FOXP2: variants seen among roughly 807,000 people sequenced by gnomAD.
FOXP2 encodes the protein forkhead box protein P2.
Under a neutral mutation model 115.8 loss-of-function variants are expected in FOXP2, and 12 were observed. That is an observed-to-expected ratio of 0.10 (90% CI 0.07 to 0.17). FOXP2 has a LOEUF of 0.17. FOXP2 is among the 10% of genes least tolerant of loss of function. The pLI is 1.00. For missense variants in FOXP2, 629 were observed against 843.5 expected, an observed-to-expected ratio of 0.75 and a Z score of 3.15; for synonymous variants, 328 against 297.7, an observed-to-expected ratio of 1.10 and a Z score of -1.05.
intron 1 of FOXP2, among the ~76,000 whole-genome samples, chr7:114,171,009 C>T (rs930361229): frequency 6.6e-6 from 1 of 152,248 alleles, no homozygotes; most frequent in East Asian, 1.9e-4. Context: ...CAGTGCCTGG[C>T]GTCAAAGCTT....
chr7:114,379,742 T>G (rs1792234516), intron 2 of FOXP2, among the ~76,000 whole-genome samples: 1 of 152,178 alleles, frequency 6.6e-6, no homozygotes, highest in South Asian at 2.1e-4. Flanking sequence ...GGGGATTATT[T>G]CTTTGGCACA....
chr7:114,244,925 C>T, intron 1 of FOXP2, among the ~76,000 whole-genome samples: 1 of 151,992 alleles, frequency 6.6e-6, no homozygotes, highest in Non-Finnish European at 1.5e-5. Flanking sequence ...TCACGCCCGG[C>T]TAATTTTTTT....
At chr7:114,646,440 C>T (rs1459450337) in intron 8 of FOXP2, among the ~76,000 whole-genome samples, 2 of 151,958 alleles carry the variant, frequency 1.3e-5, no homozygotes, top group Non-Finnish European at 2.9e-5. Context: ...CCTCATTTTA[C>T]CTTAAATAGT....
chr7:114,371,863 G>T (rs1032650563), intron 2 of FOXP2, among the ~76,000 whole-genome samples: 1 of 151,992 alleles, frequency 6.6e-6, no homozygotes, highest in Non-Finnish European at 1.5e-5. Flanking sequence ...ATTGTGGACC[G>T]TTAGGCAATA....
chr7:114,200,593 G>T (rs923275620), intron 1 of FOXP2, among the ~76,000 whole-genome samples: 1 of 152,134 alleles, frequency 6.6e-6, no homozygotes, highest in Non-Finnish European at 1.5e-5. Flanking sequence ...AGCTAATACC[G>T]ATATTGATAG....
intron 1 of FOXP2, among the ~76,000 whole-genome samples, chr7:114,261,825 G>A (rs999591155): frequency 6.6e-6 from 1 of 151,384 alleles, no homozygotes; most frequent in Non-Finnish European, 1.5e-5. Context: ...TTGGGAGGTC[G>A]AGGTGTTTGA....
At chr7:114,591,126 G>A (rs903530690) in intron 3 of FOXP2, among the ~76,000 whole-genome samples, 2 of 152,066 alleles carry the variant, frequency 1.3e-5, no homozygotes, top group African/African-American at 4.8e-5. Flanking sequence ...CCTGATTACA[G>A]TAGAGTAAGT....
In FOXP2 at chr7:114,287,955, T is replaced by C. The variant is rs141519863; in HGVS notation, c.-101-64T>C. On this transcript the variant is annotated intron_variant, in intron 1 of 17. Transcript: ENST00000634411. Reference sequence around the variant, plus strand: ...TTTATGTTCTGTGAAGTCACTGCACTAATTGTGATGTAAATTTAAATTTAA... The same window carrying C: ...TTTATGTTCTGTGAAGTCACTGCACCAATTGTGATGTAAATTTAAATTTAA... 1.3e-3 allele frequency: 510 copies of C among 397,138 alleles called. 4 individuals carry two copies. Among genetic ancestry groups the C allele is most frequent in the African/African-American group, 9.8e-3 (473 of 48,366 alleles). The allele number at this position is 397,138 out of a possible 1,614,324, so 24.6% of individuals were successfully genotyped here.
intron 1 of FOXP2, among the ~76,000 whole-genome samples, chr7:114,173,124 G>A (rs543582314): frequency 7.2e-5 from 11 of 151,848 alleles, no homozygotes; most frequent in Non-Finnish European, 1.5e-4. Flanking sequence ...AATTGTTCAT[G>A]GTTTCTTTCC....
intron 3 of FOXP2, chr7:114,570,957 A>G: frequency 7.8e-7 from 1 of 1,277,072 alleles, no homozygotes; most frequent in African/African-American, 1.5e-5. Context: ...AATAGATTAT[A>G]TGTGATTTTC....
chr7:114,390,522 GTATT>G (rs6150298), intron 2 of FOXP2, among the ~76,000 whole-genome samples: 54 of 148,366 alleles, frequency 3.6e-4, no homozygotes, highest in African/African-American at 1.2e-3. Context: ...TTTTATTTAT[GTATT>G]TATTTATTTA....
intron 9 of FOXP2, chr7:114,653,243 A>G (rs1290959273): frequency 1.3e-5 from 2 of 154,628 alleles, no homozygotes; most frequent in African/African-American, 4.8e-5. Flanking sequence ...CATTTATAAA[A>G]GGTAGACTAA....
intron 1 of FOXP2, among the ~76,000 whole-genome samples, chr7:114,147,906 G>T (rs905669905): frequency 6.6e-6 from 1 of 152,110 alleles, no homozygotes; most frequent in African/African-American, 2.4e-5. Context: ...GTTGAGCCTT[G>T]CCACACAGTA....
chr7:114,396,538 T>C (rs1042949650), intron 2 of FOXP2, among the ~76,000 whole-genome samples: 1 of 152,112 alleles, frequency 6.6e-6, no homozygotes. Context: ...TAGTCCTATT[T>C]TTAATTTTTT....
chr7:114,190,988 A>G (rs541077046), intron 1 of FOXP2, among the ~76,000 whole-genome samples: 1 of 152,232 alleles, frequency 6.6e-6, no homozygotes, highest in East Asian at 1.9e-4. Flanking sequence ...CCTAGTCCCC[A>G]GAAGATCTGG....
chr7:114,160,358 A>AC (rs1792795959), upstream of FOXP2, among the ~76,000 whole-genome samples: 2 of 152,116 alleles, frequency 1.3e-5, no homozygotes, highest in Non-Finnish European at 2.9e-5. Flanking sequence ...CCCCAAAACT[A>AC]CCAGACAATA....
At chr7:114,335,691 A>T (rs1301449090) in intron 2 of FOXP2, among the ~76,000 whole-genome samples, 1 of 151,800 alleles carries the variant, frequency 6.6e-6, no homozygotes, top group Non-Finnish European at 1.5e-5. Flanking sequence ...ACAAAATTTA[A>T]ATGTGGCCAA....
rs3086371 is a variant in FOXP2 at position 114,230,975 on chromosome 7, TACACACACACACAC to T, written c.-101-57026_-101-57013del. The stretch of plus-strand genomic sequence containing the variant: ...CTCATATATAGAAAACCCTAAAGAT[TACACACACACACAC>T]ACACACACACACACACAAATCCCCA... On this transcript the variant is annotated intron_variant, in intron 1 of 17. Transcript: ENST00000634411. 1.8e-3 allele frequency among the ~76,000 whole-genome samples: 267 copies of T among 147,134 alleles called. 2 individuals are homozygous for T. Among genetic ancestry groups the T allele is most frequent in the African/African-American group, 6.5e-3 (260 of 40,278 alleles).
intron 2 of FOXP2, among the ~76,000 whole-genome samples, chr7:114,296,380 T>C (rs1013898972): frequency 6.6e-6 from 1 of 152,122 alleles, no homozygotes; most frequent in Non-Finnish European, 1.5e-5. Flanking sequence ...GTTTGGAAAA[T>C]AGCAGTAAAC....
Sources: allele counts gnomAD v4.1 joint callset (sites outside exome capture counted in the v4.1 genomes callset), GRCh38; gene constraint gnomAD v4.1.1; transcripts MANE v1.5; gene names NCBI Gene and HGNC (gene_info 2026-07-23, HGNC 2026-07-21).